Variants in DGKB observed in about 807,000 individuals in gnomAD.
DGKB encodes the protein 90 kDa diacylglycerol kinase.
In DGKB, 67 loss-of-function variants were observed where a neutral mutation model predicts 114.3. That is an observed-to-expected ratio of 0.59 (90% CI 0.48 to 0.72). The LOEUF (loss-of-function observed/expected upper bound fraction) is 0.72, where lower values mean the gene tolerates loss of function less well. DGKB is among the 30% of genes least tolerant of loss of function. The pLI, the probability that DGKB is intolerant of heterozygous loss-of-function variation, is 0.00. For synonymous variants in DGKB, 398 were observed against 323.1 expected (o/e 1.23, Z -2.49); for missense variants, 907 against 975.2 (o/e 0.93, Z 0.93).
At chr7:14,292,941 G>T (rs1801987149) in intron 23 of DGKB, among the ~76,000 whole-genome samples, 1 of 152,134 alleles carries the variant, frequency 6.6e-6, no homozygotes, top group African/African-American at 2.4e-5. Flanking sequence ...GAGTCATTCA[G>T]TATTCTGGGC....
At chr7:14,475,677 C>T (rs759720640) in intron 21 of DGKB, among the ~76,000 whole-genome samples, 9 of 152,016 alleles carry the variant, frequency 5.9e-5, no homozygotes, top group Non-Finnish European at 1.0e-4. Flanking sequence ...TATTTATAAG[C>T]GAGGTTCATT....
chr7:14,237,936 C>T (rs1204754710), intron 23 of DGKB, among the ~76,000 whole-genome samples: 1 of 151,784 alleles, frequency 6.6e-6, no homozygotes, highest in Admixed American at 6.6e-5. Context: ...TTATTAAAGG[C>T]CATTTATATT....
chr7:14,162,487 C>T (rs981177042), intron 25 of DGKB, among the ~76,000 whole-genome samples: 2 of 152,116 alleles, frequency 1.3e-5, no homozygotes, highest in African/African-American at 4.8e-5. Flanking sequence ...ACATATCTGG[C>T]ATATTTCTCA....
At chr7:14,397,930 T>C (rs1822499127) in intron 21 of DGKB, among the ~76,000 whole-genome samples, 1 of 152,136 alleles carries the variant, frequency 6.6e-6, no homozygotes, top group Non-Finnish European at 1.5e-5. Flanking sequence ...TTTTGTTTGT[T>C]ATTTCAAAAT....
rs967589809 is a variant in DGKB at position 14,619,310 on chromosome 7, C to T, written c.1284+2068G>A. 3.3e-5 allele frequency among the ~76,000 whole-genome samples: 5 copies of T among 151,456 alleles called. No individual in the cohort carries two copies. The Admixed American group carries it at 3.3e-4, about 10-fold the overall frequency. The stretch of plus-strand genomic sequence containing the variant: ...TGGTTAGAGAGATGAAACACTTCCA[C>T]AAAGAATGTTAATCATCTAAGATTT... On this transcript the variant is annotated intron_variant, in intron 15 of 25. Coordinates refer to ENST00000402815, the MANE Select transcript of DGKB (RefSeq NM_001350709.2).
At chr7:14,176,984 G>A (rs2286248) in intron 24 of DGKB, 85 bp from the exon 25 acceptor site, 238,782 of 1,519,700 alleles carry the variant, frequency 0.16, 20,644 homozygotes, top group Admixed American at 0.34. Context: ...GATGAGACCA[G>A]GGAAGGCAAT....
intron 21 of DGKB, among the ~76,000 whole-genome samples, chr7:14,388,192 G>A (rs1286048017): frequency 6.7e-6 from 1 of 150,050 alleles, no homozygotes; most frequent in African/African-American, 2.4e-5. Flanking sequence ...GCTAGAAAAT[G>A]GTGGTGCCAT....
At chr7:14,323,012 T>C (rs1808093789) in intron 23 of DGKB, among the ~76,000 whole-genome samples, 1 of 152,156 alleles carries the variant, frequency 6.6e-6, no homozygotes, top group Non-Finnish European at 1.5e-5. Flanking sequence ...TAGCTGAACA[T>C]GCACATACCT....
intron 15 of DGKB, among the ~76,000 whole-genome samples, chr7:14,617,059 T>G (rs1806674350): frequency 1.3e-5 from 2 of 151,856 alleles, no homozygotes; most frequent in South Asian, 4.1e-4. Flanking sequence ...AGAGTTAGAC[T>G]GGTTTTGGAT....
intron 21 of DGKB, among the ~76,000 whole-genome samples, chr7:14,347,000 A>C (rs977755512): frequency 1.3e-5 from 2 of 152,030 alleles, no homozygotes; most frequent in Non-Finnish European, 2.9e-5. Flanking sequence ...CATTCAACAA[A>C]AGTTTAATGA....
chr7:14,600,434 A>G (rs1803337880), intron 17 of DGKB, among the ~76,000 whole-genome samples: 1 of 152,180 alleles, frequency 6.6e-6, no homozygotes, highest in South Asian at 2.1e-4. Flanking sequence ...ATTCTATCCC[A>G]GGAGCCCCAA....
chr7:14,800,853 T>C (rs1008342929), intron 2 of DGKB, among the ~76,000 whole-genome samples: 1 of 151,888 alleles, frequency 6.6e-6, no homozygotes, highest in African/African-American at 2.4e-5. Context: ...CAGGCAGAAA[T>C]AGTAATGGCC....
At chr7:14,573,473 G>C (rs1168776028) in intron 20 of DGKB, among the ~76,000 whole-genome samples, 51 of 102,406 alleles carry the variant, frequency 5.0e-4, no homozygotes, top group African/African-American at 2.6e-3. Context: ...ATCTCTGTGT[G>C]TGTGTGTGTG....
intron 19 of DGKB, among the ~76,000 whole-genome samples, chr7:14,575,096 G>C (rs973175949): frequency 6.6e-6 from 1 of 152,106 alleles, no homozygotes; most frequent in Non-Finnish European, 1.5e-5. Flanking sequence ...CTGTATCCCA[G>C]CCTGGGTGAC....
At chr7:14,673,958 C>T (rs149042323) in intron 12 of DGKB, among the ~76,000 whole-genome samples, 11 of 151,774 alleles carry the variant, frequency 7.2e-5, no homozygotes, top group Non-Finnish European at 1.5e-4. Context: ...GAATCAAAAG[C>T]TACCTCATTT....
At chr7:14,521,565 G>A (rs1246787255) in intron 20 of DGKB, among the ~76,000 whole-genome samples, 3 of 151,812 alleles carry the variant, frequency 2.0e-5, no homozygotes, top group South Asian at 2.1e-4. Context: ...ATATTTTTCC[G>A]TTATTGTACT....
At chr7:14,279,450 C>G (rs1432911437) in intron 23 of DGKB, among the ~76,000 whole-genome samples, 1 of 152,208 alleles carries the variant, frequency 6.6e-6, no homozygotes, top group Non-Finnish European at 1.5e-5. Context: ...AACAAAAAGA[C>G]AGCAGTAACC....
intron 20 of DGKB, among the ~76,000 whole-genome samples, chr7:14,479,132 A>G (rs530457037): frequency 6.6e-6 from 1 of 152,284 alleles, no homozygotes; most frequent in South Asian, 2.1e-4. Flanking sequence ...AGTCATCTCA[A>G]CAGAAAAGGG....
At chr7:14,197,425 T>C (rs1379802091) in intron 23 of DGKB, among the ~76,000 whole-genome samples, 1 of 152,100 alleles carries the variant, frequency 6.6e-6, no homozygotes, top group Non-Finnish European at 1.5e-5. Flanking sequence ...TCTCTGTTTT[T>C]ATCAAATTTG....
Sources: gnomAD v4.1 joint callset for allele counts (sites outside exome capture counted in the v4.1 genomes callset) on GRCh38, gnomAD v4.1.1 for gene constraint, MANE v1.5 for transcripts, NCBI Gene and HGNC (gene_info 2026-07-23, HGNC 2026-07-21) for gene names.